Variants in CDH4 observed in about 807,000 individuals in gnomAD.
CDH4 encodes cadherin 4.
CDH4 carries 33 observed loss-of-function variants against 86.0 expected under a neutral mutation model. The observed-to-expected ratio is 0.38, with a 90% CI of 0.29 to 0.51. CDH4 has a LOEUF of 0.51. CDH4 is among the 20% of genes least tolerant of loss of function. The pLI, the probability that CDH4 is intolerant of heterozygous loss-of-function variation, is 0.86. For synonymous variants in CDH4, 555 were observed against 549.4 expected (o/e 1.01, Z -0.14); for missense variants, 1,114 against 1,307.4 (o/e 0.85, Z 2.28).
chr20:61,666,226 C>T (rs1241994170), intron 2 of CDH4, among the ~76,000 whole-genome samples: 3 of 152,206 alleles, frequency 2.0e-5, no homozygotes, highest in African/African-American at 7.2e-5. Context: ...ACACTTTGTC[C>T]AACAGCAGTC....
chr20:61,850,924 C>T lies in CDH4; in HGVS notation c.733-1830C>T, dbSNP rs572838978. Among the ~76,000 whole-genome samples the T allele has an allele frequency of 5.9e-5, 9 of 152,382 alleles. No homozygotes were observed. In the South Asian group the frequency reaches 1.9e-3, roughly 32 times the overall value. ...AGAGGCGGTATTTCCTCGTTATCCG[C>T]ACTCGCGCTGCTCCCGCTGCTACAG... On this transcript the variant is annotated intron_variant, in intron 5 of 15. Transcript: ENST00000614565.
intron 2 of CDH4, among the ~76,000 whole-genome samples, chr20:61,314,843 C>A (rs1487441099): frequency 3.9e-5 from 6 of 152,188 alleles, no homozygotes; most frequent in African/African-American, 1.4e-4. Flanking sequence ...GCGATGACAG[C>A]GCATTGTGGT....
At chr20:61,276,347 C>T (rs1157102248) in intron 2 of CDH4, among the ~76,000 whole-genome samples, 1 of 152,176 alleles carries the variant, frequency 6.6e-6, no homozygotes, top group African/African-American at 2.4e-5. Flanking sequence ...CAATGTTGGG[C>T]TTATGCCTTT....
chr20:61,510,968 G>A lies in CDH4; in HGVS notation c.170-232595G>A, dbSNP rs1388527469. On this transcript the variant is annotated intron_variant, in intron 2 of 15. Transcript: ENST00000614565. The surrounding 1 kb of genome is among the most constrained non-coding windows in gnomAD (Gnocchi z 4.2). ...GAGAGAGAGAGAGAAAGTTGGGGGC[G>A]GCTGTCTCACACTTTTTAATAACCA... Among the ~76,000 whole-genome samples, 6 of 151,894 alleles carry A rather than the reference G, an allele frequency of 4.0e-5. No homozygotes were observed. Among genetic ancestry groups the A allele is most frequent in the East Asian group, 1.9e-4 (1 of 5,150 alleles).
intron 4 of CDH4, among the ~76,000 whole-genome samples, chr20:61,831,415 T>C (rs1190491540): frequency 2.6e-5 from 4 of 152,192 alleles, no homozygotes; most frequent in African/African-American, 4.8e-5. Flanking sequence ...CAGGCCTCTG[T>C]TAGCAGAGCC....
At chr20:61,557,776 A>C (rs2086188531) in intron 2 of CDH4, among the ~76,000 whole-genome samples, 1 of 151,740 alleles carries the variant, frequency 6.6e-6, no homozygotes, top group African/African-American at 2.4e-5. Flanking sequence ...CCTGCATTTT[A>C]ATCACTCAAA....
At chr20:61,560,869 G>A (rs925590825) in intron 2 of CDH4, among the ~76,000 whole-genome samples, 1 of 152,222 alleles carries the variant, frequency 6.6e-6, no homozygotes, top group Non-Finnish European at 1.5e-5. Flanking sequence ...CCCCCAGCCA[G>A]CGGACATGGA....
At chr20:61,673,533 A>G (rs565295858) in intron 2 of CDH4, among the ~76,000 whole-genome samples, 1 of 152,202 alleles carries the variant, frequency 6.6e-6, no homozygotes, top group Non-Finnish European at 1.5e-5. Flanking sequence ...GTCAGGTCTG[A>G]TATTCCGTGG....
chr20:61,779,660 C>T (rs1247989584), intron 4 of CDH4, among the ~76,000 whole-genome samples: 1 of 152,262 alleles, frequency 6.6e-6, no homozygotes, highest in Non-Finnish European at 1.5e-5. Flanking sequence ...AATACTTACA[C>T]CGTTCTATGT....
At chr20:61,616,428 G>T (rs776757193) in intron 2 of CDH4, among the ~76,000 whole-genome samples, 3 of 152,174 alleles carry the variant, frequency 2.0e-5, no homozygotes, top group African/African-American at 7.2e-5. Context: ...AGTCCATAGC[G>T]CCTTCTTTCC....
intron 2 of CDH4, among the ~76,000 whole-genome samples, chr20:61,590,949 C>T (rs2243597): frequency 0.76 from 115,221 of 150,952 alleles, 44,078 homozygotes; most frequent in Admixed American, 0.84. Context: ...AGTTGGTCTC[C>T]ACCGCCAATG....
At chr20:61,633,028 C>T (rs1026042975) in intron 2 of CDH4, among the ~76,000 whole-genome samples, 10 of 150,424 alleles carry the variant, frequency 6.6e-5, no homozygotes, top group African/African-American at 2.5e-4. Flanking sequence ...CCTTCCATTC[C>T]TCCATCCATT....
intron 9 of CDH4, among the ~76,000 whole-genome samples, chr20:61,915,991 T>C (rs2054899815): frequency 6.6e-6 from 1 of 152,214 alleles, no homozygotes; most frequent in Non-Finnish European, 1.5e-5. Context: ...AACCACACTT[T>C]TTCTTTTTTC....
chr20:61,839,397 G>C (rs1982034970), intron 4 of CDH4, among the ~76,000 whole-genome samples: 1 of 151,766 alleles, frequency 6.6e-6, no homozygotes, highest in African/African-American at 2.4e-5. Context: ...ATGTGTATTT[G>C]TGTTGTGTGC....
intron 7 of CDH4, among the ~76,000 whole-genome samples, chr20:61,890,398 G>C: frequency 6.6e-6 from 1 of 150,882 alleles, no homozygotes; most frequent in East Asian, 2.0e-4. Flanking sequence ...TGGTAGATGG[G>C]TGGATGGATG....
chr20:61,404,877 C>T (rs2145483533), intron 2 of CDH4, among the ~76,000 whole-genome samples: 2 of 151,982 alleles, frequency 1.3e-5, no homozygotes, highest in Middle Eastern at 6.8e-3. Flanking sequence ...GGTGAAACCC[C>T]GTCTCTACTA....
At chr20:61,570,380 G>A in intron 2 of CDH4, 1 of 372,530 alleles carries the variant, frequency 2.7e-6, no homozygotes, top group Non-Finnish European at 4.9e-6. Flanking sequence ...GAGTGCCCTG[G>A]TTGGGACCAG....
chr20:61,290,095 CCGTATCCAAT>C (rs2084312638), intron 2 of CDH4, among the ~76,000 whole-genome samples: 1 of 262 alleles, frequency 3.8e-3, no homozygotes, highest in African/African-American at 0.016. Context: ...GGGTTTATCC[CCGTATCCAAT>C]GAGACTTGCT....
At chr20:61,915,946 T>C (rs2054899387) in intron 9 of CDH4, among the ~76,000 whole-genome samples, 1 of 152,240 alleles carries the variant, frequency 6.6e-6, no homozygotes, top group South Asian at 2.1e-4. Flanking sequence ...CAAAGAGTCA[T>C]GGGTCATTGT....
Sources: allele counts gnomAD v4.1 joint callset (sites outside exome capture counted in the v4.1 genomes callset), GRCh38; gene constraint gnomAD v4.1.1; non-coding constraint Gnocchi (gnomAD v3.1); transcripts MANE v1.5; gene names NCBI Gene and HGNC (gene_info 2026-07-23, HGNC 2026-07-21).